The following GRIK2 variants were observed in gnomAD, a reference collection of about 807,000 sequenced individuals.
GRIK2 encodes glutamate ionotropic receptor kainate type subunit 2.
A neutral mutation model predicts 100.3 loss-of-function variants in GRIK2; 32 were observed. That is an observed-to-expected ratio of 0.32 (90% CI 0.24 to 0.43). GRIK2 has a LOEUF of 0.43. Ranked by LOEUF, GRIK2 falls within the 20% of genes least tolerant of loss-of-function variation. The pLI, the probability that GRIK2 is intolerant of heterozygous loss-of-function variation, is 1.00. For missense variants in GRIK2, 843 were observed against 1,114.9 expected, an observed-to-expected ratio of 0.76 and a Z score of 3.47; for synonymous variants, 417 against 389.4, an observed-to-expected ratio of 1.07 and a Z score of -0.83.
At chr6:101,897,427 C>T (rs1417844846) in intron 12 of GRIK2, among the ~76,000 whole-genome samples, 1 of 151,566 alleles carries the variant, frequency 6.6e-6, no homozygotes, top group Non-Finnish European at 1.5e-5. Flanking sequence ...TACACCTCTC[C>T]AGGCTGGTCT....
intron 11 of GRIK2, among the ~76,000 whole-genome samples, chr6:101,863,012 G>C (rs1346682759): frequency 1.3e-5 from 2 of 152,010 alleles, no homozygotes; most frequent in African/African-American, 4.8e-5. Flanking sequence ...TCTAAATTAG[G>C]ATGCTATTTT....
chr6:101,691,455 G>A (rs1562313848), intron 7 of GRIK2, among the ~76,000 whole-genome samples: 2 of 151,678 alleles, frequency 1.3e-5, no homozygotes, highest in African/African-American at 4.8e-5. Context: ...ACACCACCAC[G>A]CCTGGCTAAT....
chr6:101,904,360 A>C (rs1353857217), intron 12 of GRIK2, among the ~76,000 whole-genome samples: 1 of 151,500 alleles, frequency 6.6e-6, no homozygotes, highest in Non-Finnish European at 1.5e-5. Context: ...ATAGATAACA[A>C]TTTGAAGTTT....
intron 5 of GRIK2, among the ~76,000 whole-genome samples, 195 bp from the exon 6 acceptor site, chr6:101,682,358 A>T (rs965412211): frequency 6.6e-6 from 1 of 152,214 alleles, no homozygotes; most frequent in Non-Finnish European, 1.5e-5. Context: ...TATCTAGAGA[A>T]TTGCTTCAGA....
chr6:101,643,629 A>G (rs185918051), intron 4 of GRIK2, among the ~76,000 whole-genome samples: 3 of 151,774 alleles, frequency 2.0e-5, no homozygotes, highest in Admixed American at 1.3e-4. Context: ...TGTTTTAACT[A>G]GCTTTGTAAT....
Position 101,676,755 on chromosome 6 carries a change from A to G in GRIK2, c.674A>G (p.His225Arg), listed in dbSNP as rs144768919. The change falls in exon 5 of 17, where the codon CAT (histidine) becomes CGT (arginine). Residue 225 changes from histidine to arginine, a missense_variant. His to Arg is a conservative substitution (Grantham distance 29, BLOSUM62 0). Around this residue, in one of 3 missense-constraint regions of GRIK2, gnomAD observed 519 missense variants for 643.8 expected, o/e 0.81. Coordinates refer to ENST00000369134, the MANE Select transcript of GRIK2 (RefSeq NM_021956.5). ...LKEMKRGKEF[H>R]VIFDCSHEMA... Reference sequence around the variant, plus strand: ...GAAATGAAAAGAGGCAAGGAGTTTCATGTAATCTTTGATTGTAGCCATGAA... The same window carrying G: ...GAAATGAAAAGAGGCAAGGAGTTTCGTGTAATCTTTGATTGTAGCCATGAA... The G allele has an allele frequency of 1.2e-5, 19 of 1,609,244 alleles. No homozygotes were observed. The highest frequency in any genetic ancestry group is 1.5e-5 in the Non-Finnish European group (18 of 1,177,382).
chr6:101,499,378 T>C (rs1430979593), intron 2 of GRIK2, among the ~76,000 whole-genome samples: 2 of 152,128 alleles, frequency 1.3e-5, no homozygotes, highest in African/African-American at 4.8e-5. Context: ...ATTTTTTTAT[T>C]GATATGTTAG....
At chr6:101,598,616 GA>G (rs147561022) in intron 2 of GRIK2, among the ~76,000 whole-genome samples, 11,765 of 124,148 alleles carry the variant, frequency 0.095, 576 homozygotes, top group Admixed American at 0.16. Flanking sequence ...AAAAAAGAAA[GA>G]AAAAAAATTT....
intron 7 of GRIK2, among the ~76,000 whole-genome samples, chr6:101,797,619 T>G (rs1197754496): frequency 2.0e-5 from 3 of 148,102 alleles, no homozygotes; most frequent in Non-Finnish European, 4.5e-5. Flanking sequence ...TAAATATATA[T>G]TATCTGTACA....
chr6:101,634,482 T>C (rs1340327131), intron 4 of GRIK2, among the ~76,000 whole-genome samples: 4 of 152,098 alleles, frequency 2.6e-5, no homozygotes, highest in Admixed American at 2.0e-4. Context: ...TAAATTCATC[T>C]TAAAAATAGG....
chr6:101,595,706 G>GTATA (rs1417393124), intron 2 of GRIK2, among the ~76,000 whole-genome samples: 47 of 125,414 alleles, frequency 3.7e-4, no homozygotes, highest in African/African-American at 1.4e-3. Context: ...ATATGTGTGT[G>GTATA]TGTGTGTGTG....
chr6:101,823,986 G>A (rs1342166208), intron 10 of GRIK2, among the ~76,000 whole-genome samples: 1 of 151,474 alleles, frequency 6.6e-6, no homozygotes, highest in Non-Finnish European at 1.5e-5. Context: ...TCCTGCCTCA[G>A]CCTCCTGAGT....
intron 12 of GRIK2, among the ~76,000 whole-genome samples, chr6:101,922,625 C>T (rs1043926463): frequency 2.6e-5 from 4 of 152,154 alleles, no homozygotes; most frequent in Admixed American, 6.5e-5. Context: ...CTACATTAAC[C>T]CATACAATCC....
chr6:101,434,670 A>G (rs1287490244), intron 2 of GRIK2, among the ~76,000 whole-genome samples: 1 of 151,986 alleles, frequency 6.6e-6, no homozygotes, highest in Non-Finnish European at 1.5e-5. Context: ...AATGAGACCA[A>G]TCCTTTTACA....
intron 14 of GRIK2, among the ~76,000 whole-genome samples, chr6:101,956,445 G>A (rs902539357): frequency 5.9e-5 from 9 of 152,120 alleles, no homozygotes; most frequent in East Asian, 3.9e-4. Flanking sequence ...GATATATTGC[G>A]TAGTGGTGAA....
chr6:101,418,880 G>A (rs1776280198), intron 2 of GRIK2, among the ~76,000 whole-genome samples: 1 of 152,132 alleles, frequency 6.6e-6, no homozygotes, highest in African/African-American at 2.4e-5. Flanking sequence ...TTATTTGAAA[G>A]CCCCAGTAGC....
At chr6:101,839,951 A>G (rs1427191753) in intron 10 of GRIK2, among the ~76,000 whole-genome samples, 2 of 152,086 alleles carry the variant, frequency 1.3e-5, no homozygotes, top group Non-Finnish European at 2.9e-5. Flanking sequence ...GTAATTCCAG[A>G]GCTCAAGAGA....
chr6:101,478,567 G>A (rs1450344381), intron 2 of GRIK2, among the ~76,000 whole-genome samples: 1 of 145,348 alleles, frequency 6.9e-6, no homozygotes, highest in African/African-American at 2.6e-5. Flanking sequence ...AAGCTGGCGT[G>A]CAGTGGCGCG....
chr6:101,850,445 A>G (rs1487453941), intron 10 of GRIK2, among the ~76,000 whole-genome samples: 7 of 152,022 alleles, frequency 4.6e-5, no homozygotes, highest in Non-Finnish European at 8.8e-5. Flanking sequence ...TAATGTCCCT[A>G]TGTTTTAAGT....
Sources: gnomAD v4.1 joint callset for allele counts (sites outside exome capture counted in the v4.1 genomes callset) on GRCh38, gnomAD v4.1.1 for gene constraint, gnomAD v4.1.1 regional missense constraint, MANE v1.5 for transcripts, NCBI Gene and HGNC (gene_info 2026-07-23, HGNC 2026-07-21) for gene names.